The following SRPX variants were observed in gnomAD, a reference collection of about 807,000 sequenced individuals.
The protein encoded by SRPX is sushi repeat containing protein X-linked, also known as sushi repeat-containing protein SRPX.
In SRPX, 24 loss-of-function variants were observed where a neutral mutation model predicts 38.1. The ratio of observed to expected loss-of-function variants is 0.63; its 90% CI spans 0.46 to 0.89. The LOEUF is 0.89. Ranked by LOEUF, SRPX falls within the 40% of genes least tolerant of loss-of-function variation. The pLI is 0.00. For synonymous variants in SRPX, 184 were observed against 153.8 expected, an observed-to-expected ratio of 1.20 and a Z score of -1.45; for missense variants, 416 against 377.8, an observed-to-expected ratio of 1.10 and a Z score of -0.84.
intron 2 of SRPX, among the ~76,000 whole-genome samples, chrX:38,176,679 G>T (rs1484910800): frequency 9.0e-6 from 1 of 111,510 alleles, no homozygotes; most frequent in Non-Finnish European, 1.9e-5. Flanking sequence ...TGTAGTCCCA[G>T]CTACCTGGGA....
intron 2 of SRPX, among the ~76,000 whole-genome samples, chrX:38,176,987 T>C (rs892982111): frequency 1.8e-5 from 2 of 110,770 alleles, no homozygotes; most frequent in African/African-American, 6.6e-5. Context: ...ATTTTGGCCA[T>C]CTGGTCTACC....
intron 1 of SRPX, among the ~76,000 whole-genome samples, chrX:38,186,217 G>A (rs963297528): frequency 2.7e-5 from 3 of 110,928 alleles, no homozygotes; most frequent in Non-Finnish European, 5.7e-5. Context: ...AAGTCATGAG[G>A]GCGCCCTGTG....
chrX:38,155,137 AG>A lies in SRPX; in HGVS notation c.1090-555del, dbSNP rs755187052. On this transcript the variant is annotated intron_variant, in intron 8 of 9. Transcript: ENST00000378533. ...TGGCAATGGCAATAAAAAAAAAAAA[AG>A]TAATGTAAGACAAATATGATGAATT... 2.8e-4 allele frequency among the ~76,000 whole-genome samples: 31 copies of A among 111,560 alleles called. No homozygotes were observed. In the East Asian group the frequency reaches 8.1e-3, roughly 29 times the overall value.
intron 4 of SRPX, among the ~76,000 whole-genome samples, chrX:38,165,594 A>C (rs1938351263): frequency 8.9e-6 from 1 of 112,362 alleles, no homozygotes; most frequent in Non-Finnish European, 1.9e-5. Context: ...CTGAGGCTCA[A>C]AGAACTTAAA....
At chrX:38,194,863 GTTTTTTTTTTT>G (rs35179239) in intron 1 of SRPX, among the ~76,000 whole-genome samples, 1 of 53,667 alleles carries the variant, frequency 1.9e-5, no homozygotes, top group Non-Finnish European at 3.2e-5. Flanking sequence ...TTTGTTTTTG[GTTTTTTTTTTT>G]TTTTTTTTTT....
chrX:38,172,879 CGAGAGTGA>C (rs1378451299), intron 3 of SRPX, among the ~76,000 whole-genome samples: 8 of 112,365 alleles, frequency 7.1e-5, no homozygotes, highest in South Asian at 3.7e-4. Context: ...GAAAAGAGAA[CGAGAGTGA>C]GAGAGTGAGA....
At chrX:38,159,487 G>A (rs1938197696) in intron 7 of SRPX, among the ~76,000 whole-genome samples, 1 of 113,202 alleles carries the variant, frequency 8.8e-6, no homozygotes, top group Admixed American at 9.3e-5. Flanking sequence ...CTGGCATAAG[G>A]CTTTGCCTGT....
At chrX:38,208,951 T>C (rs1025318112) in intron 1 of SRPX, among the ~76,000 whole-genome samples, 2 of 104,503 alleles carry the variant, frequency 1.9e-5, no homozygotes, top group South Asian at 4.6e-4. Flanking sequence ...CCTCTCAAAG[T>C]GCTGGGATTA....
At chrX:38,206,091 A>G (rs1286634375) in intron 1 of SRPX, among the ~76,000 whole-genome samples, 3 of 113,076 alleles carry the variant, frequency 2.7e-5, no homozygotes, top group Non-Finnish European at 5.6e-5. Flanking sequence ...GTGTCCTGGT[A>G]GCTTTGGCTT....
intron 1 of SRPX, among the ~76,000 whole-genome samples, chrX:38,188,126 C>T (rs752131228): frequency 9.0e-5 from 10 of 111,333 alleles, no homozygotes; most frequent in African/African-American, 2.9e-4. Flanking sequence ...TAGATAAAAG[C>T]GCAAGAGTAA....
intron 9 of SRPX, among the ~76,000 whole-genome samples, chrX:38,151,453 G>A (rs1233094616): frequency 9.0e-6 from 1 of 111,720 alleles, no homozygotes; most frequent in African/African-American, 3.3e-5. Flanking sequence ...GGGAAAGGGT[G>A]ACCAATAAGA....
At chrX:38,182,213 G>A (rs1391140832) in intron 1 of SRPX, among the ~76,000 whole-genome samples, 1 of 112,172 alleles carries the variant, frequency 8.9e-6, no homozygotes. Context: ...GCCAGTAAAT[G>A]GTAAATCAGG....
At chrX:38,151,759 C>T (rs950249726) in intron 9 of SRPX, among the ~76,000 whole-genome samples, 6 of 111,112 alleles carry the variant, frequency 5.4e-5, no homozygotes, top group African/African-American at 2.0e-4. Context: ...CGACAGTATG[C>T]CTGAGTTACA....
In SRPX at chrX:38,212,134, GC is replaced by G. The variant is rs772053261; in HGVS notation, c.97+8561del. On this transcript the variant is annotated intron_variant, in intron 1 of 9. Transcript: ENST00000378533. ...TAGCTGCAGGAAAAAGCCATGCAAG[GC>G]CCCTGTTACCAATCAGCCTGAAGAT... Among the ~76,000 whole-genome samples the G allele has an allele frequency of 1.2e-4, 13 of 112,218 alleles. No individual in the cohort carries two copies. The East Asian group carries it at 3.6e-3, about 31-fold the overall frequency.
At chrX:38,200,329 A>G (rs1049333030) in intron 1 of SRPX, among the ~76,000 whole-genome samples, 6 of 112,568 alleles carry the variant, frequency 5.3e-5, no homozygotes, top group African/African-American at 1.9e-4. Flanking sequence ...AAGTTTAACA[A>G]TAGCCTCATC....
chrX:38,211,740 C>T (rs1474388378), intron 1 of SRPX, among the ~76,000 whole-genome samples: 1 of 110,579 alleles, frequency 9.0e-6, no homozygotes, highest in Non-Finnish European at 1.9e-5. Context: ...AATACCATTG[C>T]TGGGTTGGAA....
At chrX:38,207,321 G>A (rs1316079143) in intron 1 of SRPX, among the ~76,000 whole-genome samples, 2 of 112,034 alleles carry the variant, frequency 1.8e-5, no homozygotes, top group Admixed American at 1.9e-4. Context: ...TGGGAGAGAG[G>A]AGAAACAGAA....
chrX:38,182,576 G>A (rs1938692275), intron 1 of SRPX, among the ~76,000 whole-genome samples: 3 of 111,798 alleles, frequency 2.7e-5, no homozygotes, highest in African/African-American at 9.8e-5. Context: ...CCTTTGCCAG[G>A]AATTGCTCCA....
At chrX:38,201,460 A>G (rs1304862101) in intron 1 of SRPX, among the ~76,000 whole-genome samples, 1 of 111,786 alleles carries the variant, frequency 8.9e-6, no homozygotes, top group Non-Finnish European at 1.9e-5. Flanking sequence ...TTCCTACTGA[A>G]TGCAGCTGAA....
Sources: allele counts gnomAD v4.1 joint callset (sites outside exome capture counted in the v4.1 genomes callset), GRCh38; gene constraint gnomAD v4.1.1; transcripts MANE v1.5; gene names NCBI Gene and HGNC (gene_info 2026-07-23, HGNC 2026-07-21).